Variants in PACSIN2 observed in about 807,000 individuals in gnomAD.
PACSIN2 encodes the protein protein kinase C and casein kinase substrate in neurons 2, also known as protein kinase C and casein kinase substrate in neurons protein 2.
A neutral mutation model predicts 63.8 loss-of-function variants in PACSIN2; 25 were observed. The observed-to-expected ratio is 0.39, with a 90% confidence interval of 0.29 to 0.55. The LOEUF is 0.55. Among genes scored for constraint, PACSIN2 ranks in the 20% least tolerant of loss-of-function variants. PACSIN2 has a pLI of 0.62. For synonymous variants in PACSIN2, 255 were observed against 256.2 expected (o/e 1.00, Z 0.05); for missense variants, 518 against 646.9 (o/e 0.80, Z 2.16).
chr22:42,930,781 C>T (rs569772300), intron 1 of PACSIN2, among the ~76,000 whole-genome samples: 128 of 152,256 alleles, frequency 8.4e-4, no homozygotes, highest in Non-Finnish European at 1.5e-3. Flanking sequence ...GAAACAGAGG[C>T]ATAAGAGTGT....
intron 1 of PACSIN2, among the ~76,000 whole-genome samples, chr22:42,983,857 C>A (rs905988959): frequency 6.6e-6 from 1 of 151,806 alleles, no homozygotes; most frequent in South Asian, 2.1e-4. Flanking sequence ...TCTCATGAGA[C>A]AGATACTTAA....
At chr22:42,908,070 T>C (rs1008202951) in intron 2 of PACSIN2, among the ~76,000 whole-genome samples, 2 of 152,228 alleles carry the variant, frequency 1.3e-5, no homozygotes, top group African/African-American at 2.4e-5. Context: ...AAGATACTTA[T>C]GTTCTCTTCA....
rs1028342310 is a variant in PACSIN2, at chr22:42,898,566, C to T, written c.61-4953G>A. On this transcript the variant is annotated intron_variant, in intron 2 of 10. Transcript: ENST00000263246. The stretch of plus-strand genomic sequence containing the variant: ...GATTACAGGCGTGAGCCACTGTGCC[C>T]GGCTGAGAACCTCCTTTCTAGGGTC... Among the ~76,000 whole-genome samples the T allele has an allele frequency of 2.1e-4, 32 of 152,206 alleles. 1 individual carries two copies. Among genetic ancestry groups the T allele is most frequent in the African/African-American group, 7.0e-4 (29 of 41,532 alleles).
At chr22:42,928,356 A>G (rs1932668835) in intron 1 of PACSIN2, among the ~76,000 whole-genome samples, 1 of 152,234 alleles carries the variant, frequency 6.6e-6, no homozygotes, top group Admixed American at 6.5e-5. Flanking sequence ...AAATGGACAG[A>G]AGGAGGAAAG....
intron 1 of PACSIN2, among the ~76,000 whole-genome samples, chr22:42,912,449 G>C (rs1346718445): frequency 1.3e-5 from 2 of 152,114 alleles, no homozygotes; most frequent in African/African-American, 4.8e-5. Context: ...TAACTGGTAG[G>C]GCTAGGACCC....
At chr22:42,909,748 T>G (rs544677223) in intron 2 of PACSIN2, among the ~76,000 whole-genome samples, 2 of 152,236 alleles carry the variant, frequency 1.3e-5, no homozygotes, top group African/African-American at 4.8e-5. Context: ...CAATATACAC[T>G]GGCAACGTTC....
intron 4 of PACSIN2, among the ~76,000 whole-genome samples, chr22:42,890,533 C>A (rs1222035335): frequency 2.6e-5 from 4 of 151,946 alleles, no homozygotes; most frequent in African/African-American, 9.7e-5. Context: ...GCCTGGCCAA[C>A]ATGGTGAAAC....
At chr22:43,007,206 C>A (rs904235066) in intron 1 of PACSIN2, among the ~76,000 whole-genome samples, 2 of 151,700 alleles carry the variant, frequency 1.3e-5, no homozygotes, top group Admixed American at 1.3e-4. Flanking sequence ...CCCTCTCACA[C>A]ACACCTCTTG....
In PACSIN2 at chr22:42,888,725, C is replaced by T. The variant is rs1323423373; in HGVS notation, c.527G>A (p.Ser176Asn). ...AGGGTTGAGGGATGGGTCTGCCTTG[C>T]TGTTGGCTTCTCGTGAGATAGCCAG... ...EKLAISREAN[S>N]KADPSLNPEQ... is the part of the protein sequence containing the mutation. The change falls in exon 5 of 11, where the codon AGC becomes AAC. Residue 176 changes from serine (S) to asparagine (N), a missense_variant. Physicochemically the swap from Ser to Asn is conservative, Grantham distance 46. This residue lies in a region of PACSIN2 where 507 missense variants were observed against 612.3 expected (regional missense o/e 0.83). Coordinates refer to ENST00000263246, the MANE Select transcript of PACSIN2 (RefSeq NM_001184970.3). 1 of 1,614,176 alleles carries T rather than the reference C, an allele frequency of 6.2e-7. No individual in the cohort carries two copies. The highest frequency in any genetic ancestry group is 8.5e-7 in the Non-Finnish European group (1 of 1,179,990).
intron 1 of PACSIN2, among the ~76,000 whole-genome samples, chr22:42,927,328 C>T (rs1023539707): frequency 6.6e-6 from 1 of 152,278 alleles, no homozygotes; most frequent in South Asian, 2.1e-4. Context: ...TAACTGCAAC[C>T]TCTGCCCCCG....
intron 2 of PACSIN2, 92 bp downstream of exon 2, chr22:42,911,929 T>G: frequency 1.1e-6 from 1 of 871,794 alleles, no homozygotes; most frequent in South Asian, 1.5e-5. Flanking sequence ...TATGTTCACC[T>G]CAGTTCCCAA....
At chr22:42,942,577 G>A (rs1325764961) in intron 1 of PACSIN2, among the ~76,000 whole-genome samples, 1 of 152,102 alleles carries the variant, frequency 6.6e-6, no homozygotes, top group Non-Finnish European at 1.5e-5. Context: ...CTGGAGTTAA[G>A]TTTTATATGT....
intron 1 of PACSIN2, among the ~76,000 whole-genome samples, chr22:42,951,722 T>C (rs1226500382): frequency 1.3e-5 from 2 of 152,234 alleles, no homozygotes; most frequent in Admixed American, 6.5e-5. Context: ...TCAGTTACCC[T>C]GGTTCAATCT....
Position 42,871,089 on chromosome 22 carries a change from T to C in PACSIN2, c.*268A>G. 2.0e-6 allele frequency: 1 copy of C among 507,536 alleles called. No homozygotes were observed. Among genetic ancestry groups the C allele is most frequent in the Non-Finnish European group, 3.6e-6 (1 of 279,020 alleles). 31.4% of individuals were successfully genotyped at this position (507,536 alleles called of 1,614,324 possible). ...AGAGACAAAGTCAAGAACATAGAGATCTATGATAGGCCAACAGGCACAGTG... is the reference window on the plus strand; with the variant it reads ...AGAGACAAAGTCAAGAACATAGAGACCTATGATAGGCCAACAGGCACAGTG... On this transcript the variant is annotated 3_prime_UTR_variant, in exon 11 of 11. Coordinates refer to ENST00000263246, the MANE Select transcript of PACSIN2 (RefSeq NM_001184970.3). This position sits in a 1 kb window ranked among gnomAD's most constrained non-coding sequence, Gnocchi z 5.4.
At chr22:42,964,134 T>C (rs532220334) in intron 1 of PACSIN2, among the ~76,000 whole-genome samples, 22 of 152,340 alleles carry the variant, frequency 1.4e-4, no homozygotes, top group Non-Finnish European at 3.1e-4. Flanking sequence ...AAGGTGATTC[T>C]TGGCTGGGCA....
intron 10 of PACSIN2, among the ~76,000 whole-genome samples, chr22:42,872,986 C>T (rs1039221556): frequency 6.6e-6 from 1 of 152,158 alleles, no homozygotes; most frequent in African/African-American, 2.4e-5. Flanking sequence ...TCCAGGCTAC[C>T]GAGGCTAGGA....
At chr22:42,896,360 TA>T (rs1396011312) in intron 2 of PACSIN2, among the ~76,000 whole-genome samples, 1 of 55,234 alleles carries the variant, frequency 1.8e-5, no homozygotes, top group Non-Finnish European at 5.3e-5. Context: ...TTCTTACTGC[TA>T]AGTAGTATTC....
At chr22:42,987,651 C>T (rs1191022025) in intron 1 of PACSIN2, among the ~76,000 whole-genome samples, 3 of 150,020 alleles carry the variant, frequency 2.0e-5, no homozygotes, top group East Asian at 2.0e-4. Context: ...CCTGCCTCAG[C>T]GTCCCAAGTA....
intron 1 of PACSIN2, among the ~76,000 whole-genome samples, chr22:42,963,929 T>C (rs989484487): frequency 1.1e-5 from 1 of 90,618 alleles, no homozygotes; most frequent in Non-Finnish European, 2.1e-5. Context: ...TATTGAGATA[T>C]AATTCACGTC....
Sources: gnomAD v4.1 joint callset for allele counts (sites outside exome capture counted in the v4.1 genomes callset) on GRCh38, gnomAD v4.1.1 for gene constraint, gnomAD v4.1.1 regional missense constraint, Gnocchi (gnomAD v3.1) non-coding constraint, MANE v1.5 for transcripts, NCBI Gene and HGNC (gene_info 2026-07-23, HGNC 2026-07-21) for gene names.